Variants in COL11A1 observed in about 807,000 individuals in gnomAD.
COL11A1 encodes collagen type XI alpha 1 chain, also known as collagen alpha-1(XI) chain.
Under a neutral mutation model 265.2 loss-of-function variants are expected in COL11A1, and 74 were observed. The ratio of observed to expected loss-of-function variants is 0.28; its 90% CI spans 0.23 to 0.34. The LOEUF (loss-of-function observed/expected upper bound fraction) is 0.34, where lower values mean the gene tolerates loss of function less well. COL11A1 is among the 10% of genes least tolerant of loss of function. COL11A1 has a pLI of 1.00. For synonymous variants in COL11A1, 816 were observed against 727.6 expected, an observed-to-expected ratio of 1.12 and a Z score of -1.96; for missense variants, 2,165 against 2,263.6, an observed-to-expected ratio of 0.96 and a Z score of 0.88.
chr1:103,036,322 G>GTATATATATATATA (rs3056958), intron 4 of COL11A1, among the ~76,000 whole-genome samples: 1 of 140,398 alleles, frequency 7.1e-6, no homozygotes, highest in African/African-American at 2.6e-5. Context: ...AGTTGCTATC[G>GTATATATATATATA]TATATATATA....
intron 5 of COL11A1, among the ~76,000 whole-genome samples, chr1:103,027,500 T>A (rs1262051688): frequency 6.8e-6 from 1 of 146,668 alleles, no homozygotes; most frequent in African/African-American, 2.5e-5. Flanking sequence ...TATATGATAA[T>A]ACATATAATA....
At chr1:102,998,499 TA>T in intron 24 of COL11A1, 136 bp from the exon 25 acceptor site, 1 of 531,318 alleles carries the variant, frequency 1.9e-6, no homozygotes, top group Non-Finnish European at 3.2e-6. Context: ...AAATAACTTT[TA>T]AATATATTAT....
intron 14 of COL11A1, among the ~76,000 whole-genome samples, chr1:103,012,054 T>A (rs919708585): frequency 2.0e-5 from 3 of 152,240 alleles, no homozygotes; most frequent in Non-Finnish European, 4.4e-5. Flanking sequence ...TTTTTCTTTT[T>A]TAACAAACAT....
At chr1:103,093,172 A>G (rs1161870748) in intron 1 of COL11A1, among the ~76,000 whole-genome samples, 2 of 152,258 alleles carry the variant, frequency 1.3e-5, no homozygotes, top group African/African-American at 4.8e-5. Flanking sequence ...GTTCAATATG[A>G]TTCAAGAAAA....
chr1:103,088,154 C>A (rs980985029), intron 1 of COL11A1, among the ~76,000 whole-genome samples: 1 of 151,988 alleles, frequency 6.6e-6, no homozygotes, highest in African/African-American at 2.4e-5. Flanking sequence ...TCTCTAATTC[C>A]TTCTCTAAGC....
At chr1:102,969,101 CCAAA>C (rs1448865374) in intron 37 of COL11A1, among the ~76,000 whole-genome samples, 1 of 152,046 alleles carries the variant, frequency 6.6e-6, no homozygotes, top group Non-Finnish European at 1.5e-5. Flanking sequence ...AAGAGGATAT[CCAAA>C]CAGTTTTTTC....
intron 39 of COL11A1, 62 bp downstream of exon 39, chr1:102,962,591 G>T: frequency 7.4e-7 from 1 of 1,344,500 alleles, no homozygotes; most frequent in Non-Finnish European, 1.1e-6. Flanking sequence ...GACAAGGGGT[G>T]AGTATAGTTA....
intron 48 of COL11A1, among the ~76,000 whole-genome samples, chr1:102,921,255 A>G (rs1475123244): frequency 6.6e-6 from 1 of 152,190 alleles, no homozygotes; most frequent in African/African-American, 2.4e-5. Flanking sequence ...AATATACACA[A>G]CATTATAACA....
At chr1:102,994,426 C>CTCCTGG (rs1664430894) in intron 28 of COL11A1, among the ~76,000 whole-genome samples, 2 of 152,178 alleles carry the variant, frequency 1.3e-5, no homozygotes, top group East Asian at 3.9e-4. Context: ...TCTTCACCCC[C>CTCCTGG]TCCTGCTCCT....
chr1:102,894,394 T>G (rs1409907015), intron 57 of COL11A1, among the ~76,000 whole-genome samples: 1 of 151,998 alleles, frequency 6.6e-6, no homozygotes, highest in Non-Finnish European at 1.5e-5. Context: ...ATTAGCCTGG[T>G]GCAGTGGCAC....
rs540713668 is a variant in COL11A1, at chr1:102,883,135, G to A, written c.4971+64C>T. The stretch of plus-strand genomic sequence containing the variant: ...TATGACAGTATAATTTTCCTGTTTA[G>A]TTCAATATTGCAAAACATGGCAGGA... On this transcript the variant is annotated intron_variant, in intron 64 of 66. Transcript: ENST00000370096. The A allele has an allele frequency of 5.7e-6, 6 of 1,058,910 alleles. No individual in the cohort carries two copies. In the African/African-American group the frequency reaches 9.4e-5, roughly 17 times the overall value. The allele number at this position is 1,058,910 out of a possible 1,614,324, so 65.6% of individuals were successfully genotyped here.
chr1:102,919,654 T>G (rs1655750907), intron 49 of COL11A1, among the ~76,000 whole-genome samples: 1 of 151,870 alleles, frequency 6.6e-6, no homozygotes, highest in Admixed American at 6.6e-5. Flanking sequence ...TGAGCATGAA[T>G]GCATAAATAA....
chr1:102,988,429 A>G (rs1464313318), intron 29 of COL11A1, among the ~76,000 whole-genome samples: 2 of 152,174 alleles, frequency 1.3e-5, no homozygotes, highest in South Asian at 2.1e-4. Flanking sequence ...GCATAGAGAA[A>G]GAGTTTGCAA....
chr1:103,049,198 G>A (rs1669574483), intron 4 of COL11A1, among the ~76,000 whole-genome samples: 1 of 152,106 alleles, frequency 6.6e-6, no homozygotes, highest in African/African-American at 2.4e-5. Context: ...TGACAGTGGG[G>A]TGTTAAAGTC....
intron 54 of COL11A1, among the ~76,000 whole-genome samples, chr1:102,901,044 G>A (rs967443536): frequency 1.3e-5 from 2 of 152,080 alleles, no homozygotes; most frequent in African/African-American, 4.8e-5. Flanking sequence ...AGGCAGCCAG[G>A]CACAGCAGTT....
intron 37 of COL11A1, among the ~76,000 whole-genome samples, chr1:102,966,045 A>C (rs1160456228): frequency 6.6e-6 from 1 of 152,204 alleles, no homozygotes; most frequent in African/African-American, 2.4e-5. Flanking sequence ...AGCGTTTATC[A>C]ATATTCTTTC....
chr1:102,959,352 T>G (rs539915261), intron 41 of COL11A1, among the ~76,000 whole-genome samples: 2 of 152,296 alleles, frequency 1.3e-5, no homozygotes, highest in South Asian at 2.1e-4. Context: ...TTTGTCCCAC[T>G]TGGGCAAAAA....
chr1:103,099,027 C>A (rs1674019157), intron 1 of COL11A1, among the ~76,000 whole-genome samples: 2 of 151,786 alleles, frequency 1.3e-5, no homozygotes, highest in African/African-American at 2.4e-5. Flanking sequence ...TATGGACAAT[C>A]AAGTCATTAG....
chr1:103,057,544 C>A (rs986227368), intron 4 of COL11A1, among the ~76,000 whole-genome samples: 1 of 152,144 alleles, frequency 6.6e-6, no homozygotes, highest in Non-Finnish European at 1.5e-5. Flanking sequence ...ATAGGAATCA[C>A]TATGTATGGC....
Sources: gnomAD v4.1 joint callset for allele counts (sites outside exome capture counted in the v4.1 genomes callset) on GRCh38, gnomAD v4.1.1 for gene constraint, MANE v1.5 for transcripts, NCBI Gene and HGNC (gene_info 2026-07-23, HGNC 2026-07-21) for gene names.